The following SP100 variants were observed in gnomAD, a reference collection of about 807,000 sequenced individuals.
SP100 encodes the protein SP100 nuclear body protein.
Under a neutral mutation model 130.0 loss-of-function variants are expected in SP100, and 84 were observed. That is an observed-to-expected ratio of 0.65 (90% CI 0.54 to 0.77). The LOEUF (loss-of-function observed/expected upper bound fraction) is 0.77. SP100 is among the 30% of genes least tolerant of loss of function. The probability of loss-of-function intolerance (pLI) is 0.00; values close to 1 mark genes in which losing one functional copy is unlikely to be tolerated. For missense variants in SP100, 978 were observed against 1,052.2 expected (o/e 0.93, Z 0.97); for synonymous variants, 331 against 351.7 (o/e 0.94, Z 0.66).
intron 2 of SP100, among the ~76,000 whole-genome samples, chr2:230,430,689 G>A (rs2063072787): frequency 6.6e-6 from 1 of 152,244 alleles, no homozygotes; most frequent in Non-Finnish European, 1.5e-5. Context: ...TTTGGACAGG[G>A]TGACTTGTTC....
At position 230,477,944 on chromosome 2, in the gene SP100, C is replaced by CA. The variant is rs1481252977; in HGVS notation, c.1600+3500dup. 1.4e-4 allele frequency among the ~76,000 whole-genome samples: 19 copies of CA among 134,520 alleles called. No homozygotes were observed. The South Asian group carries it at 1.5e-3, about 10-fold the overall frequency. 88.3% of individuals were successfully genotyped at this position (134,520 alleles called of 152,430 possible). On this transcript the variant is annotated intron_variant, in intron 17 of 28. Coordinates refer to ENST00000340126, the MANE Select transcript of SP100 (RefSeq NM_001080391.2). ...AACAAGACCCTGTCTCAAAACAAAA[C>CA]AAACAAAAAAAAAAGCATTGAATTT...
chr2:230,440,643 T>C, intron 2 of SP100: 1 of 1,258,818 alleles, frequency 7.9e-7, no homozygotes, highest in East Asian at 3.2e-5. Flanking sequence ...GTAGCTTCAA[T>C]TCAAATCCAA....
chr2:230,499,947 G>A (rs1288310861), intron 19 of SP100, among the ~76,000 whole-genome samples: 2 of 152,128 alleles, frequency 1.3e-5, no homozygotes, highest in Non-Finnish European at 1.5e-5. Flanking sequence ...GATGCTGGCA[G>A]AACCAGGCTC....
In SP100 at chr2:230,449,155, G is replaced by A; in HGVS notation, c.586+5G>A. 3 of 1,614,062 alleles carry A rather than the reference G, an allele frequency of 1.9e-6. No homozygotes were observed. The highest frequency in any genetic ancestry group is 2.5e-6 in the Non-Finnish European group (3 of 1,179,902). ...CGGGTTCCCCATCTCATGCTGGTTT[G>A]TTCCTGTTTACTACTCTTTGAGCCT... On this transcript the variant is annotated splice_donor_5th_base_variant and intron_variant, in intron 6 of 28. Coordinates refer to ENST00000340126, the MANE Select transcript of SP100 (RefSeq NM_001080391.2).
At chr2:230,449,326 G>T (rs1415555000) in intron 6 of SP100, 176 bp downstream of exon 6, 5 of 801,380 alleles carry the variant, frequency 6.2e-6, no homozygotes, top group Admixed American at 2.0e-5. Context: ...TGCCTAGGAG[G>T]GTTTCTTCCT....
chr2:230,436,478 G>T (rs915167909), intron 2 of SP100, among the ~76,000 whole-genome samples: 11 of 151,916 alleles, frequency 7.2e-5, no homozygotes, highest in Admixed American at 2.0e-4. Flanking sequence ...AGATCTGATG[G>T]TATAAGGGCC....
chr2:230,462,730 C>A, intron 10 of SP100: 1 of 525,546 alleles, frequency 1.9e-6, no homozygotes, highest in Non-Finnish European at 3.5e-6. Context: ...AGCCTTCTTT[C>A]TTGATGGATT....
chr2:230,472,427 C>CAAAAAAAA (rs201703163), intron 15 of SP100, among the ~76,000 whole-genome samples: 14 of 61,314 alleles, frequency 2.3e-4, no homozygotes, highest in Non-Finnish European at 2.7e-4. Flanking sequence ...GACTCCGTCT[C>CAAAAAAAA]AAAAAAAAAA....
At chr2:230,421,587 G>GA (rs149593324) in intron 2 of SP100, among the ~76,000 whole-genome samples, 2 of 149,938 alleles carry the variant, frequency 1.3e-5, no homozygotes, top group Admixed American at 6.7e-5. Flanking sequence ...TACATGTCTG[G>GA]AAAAAAAATT....
At chr2:230,446,235 A>C (rs959929198) in intron 4 of SP100, among the ~76,000 whole-genome samples, 2 of 152,104 alleles carry the variant, frequency 1.3e-5, no homozygotes, top group African/African-American at 4.8e-5. Context: ...CAGCCTCTTG[A>C]GTAGCTGGGA....
At chr2:230,517,601 A>C (rs1399428051) in intron 24 of SP100, among the ~76,000 whole-genome samples, 1 of 152,064 alleles carries the variant, frequency 6.6e-6, no homozygotes, top group African/African-American at 2.4e-5. Flanking sequence ...GTCTCTACTA[A>C]AAATACACAA....
chr2:230,470,286 G>C, intron 15 of SP100, 188 bp downstream of exon 15: 1 of 1,317,646 alleles, frequency 7.6e-7, no homozygotes, highest in Non-Finnish European at 9.8e-7. Context: ...ATGTTTAACA[G>C]AAAGAGTTTC....
chr2:230,515,278 A>T, intron 24 of SP100: 5 of 1,611,324 alleles, frequency 3.1e-6, no homozygotes, highest in African/African-American at 2.7e-5. Flanking sequence ...AGGGGAGAAA[A>T]AAAAGAAGTT....
intron 2 of SP100, among the ~76,000 whole-genome samples, chr2:230,427,918 C>T: frequency 6.6e-6 from 1 of 152,168 alleles, no homozygotes; most frequent in East Asian, 1.9e-4. Flanking sequence ...TATATTAGTA[C>T]ATTCTCACAC....
intron 22 of SP100, 81 bp downstream of exon 22, chr2:230,506,526 T>C (rs774431977): frequency 8.4e-6 from 12 of 1,421,802 alleles, no homozygotes; most frequent in Non-Finnish European, 1.2e-5. Context: ...AATTTCTCAG[T>C]GCCCAGAAAT....
chr2:230,499,820 G>A (rs1230732000), intron 19 of SP100, among the ~76,000 whole-genome samples: 3 of 152,010 alleles, frequency 2.0e-5, no homozygotes, highest in African/African-American at 4.8e-5. Context: ...TCCCAGGGAC[G>A]GAGGTCCATC....
chr2:230,427,060 T>C (rs558714834), intron 2 of SP100, among the ~76,000 whole-genome samples: 15 of 152,326 alleles, frequency 9.8e-5, no homozygotes, highest in African/African-American at 3.6e-4. Flanking sequence ...GGTATAAATA[T>C]AGTCACCTCT....
intron 17 of SP100, chr2:230,493,819 G>A (rs2066520736): frequency 6.6e-6 from 1 of 152,090 alleles, no homozygotes; most frequent in African/African-American, 2.4e-5. Flanking sequence ...GGCCCAGACT[G>A]AAAGTGCAGT....
chr2:230,495,310 C>T (rs1365647929), intron 18 of SP100, among the ~76,000 whole-genome samples: 2 of 151,966 alleles, frequency 1.3e-5, no homozygotes, highest in Admixed American at 6.6e-5. Flanking sequence ...CTGAGAAACA[C>T]GGGGTTATTT....
Sources: allele counts gnomAD v4.1 joint callset (sites outside exome capture counted in the v4.1 genomes callset), GRCh38; gene constraint gnomAD v4.1.1; transcripts MANE v1.5; gene names NCBI Gene and HGNC (gene_info 2026-07-23, HGNC 2026-07-21).